CWC22: variants seen among roughly 807,000 people sequenced by gnomAD.
CWC22 encodes the protein pre-mRNA-splicing factor CWC22 homolog.
In CWC22, 53 loss-of-function variants were observed where a neutral mutation model predicts 117.2. That is an observed-to-expected ratio of 0.45 (90% CI 0.36 to 0.57). The LOEUF (loss-of-function observed/expected upper bound fraction) is 0.57, where lower values mean the gene tolerates loss of function less well. CWC22 is among the 20% of genes least tolerant of loss of function. The pLI, the probability that CWC22 is intolerant of heterozygous loss-of-function variation, is 0.00. For missense variants in CWC22, 980 were observed against 1,068.8 expected, an observed-to-expected ratio of 0.92 and a Z score of 1.16; for synonymous variants, 360 against 355.6, an observed-to-expected ratio of 1.01 and a Z score of -0.14.
intron 11 of CWC22, among the ~76,000 whole-genome samples, chr2:179,969,779 A>G (rs2105526729): frequency 6.6e-6 from 1 of 152,296 alleles, no homozygotes; most frequent in South Asian, 2.1e-4. Context: ...AGCCCATAAA[A>G]TTATTATGTA....
chr2:179,950,735 A>G lies in CWC22; in HGVS notation c.1920-3T>C, dbSNP rs1686425702. The G allele has an allele frequency of 1.2e-6, 2 of 1,611,282 alleles. No homozygotes were observed. The highest frequency in any genetic ancestry group is 1.3e-5 in the African/African-American group (1 of 74,822). ...TGAGATGCTCCCGCAGTTCATCCCT[A>G]ATTTAAAATATAATCTGTTAGATTC... is the stretch of plus-strand genomic sequence containing the variant. On this transcript the variant is annotated splice_region_variant and splice_polypyrimidine_tract_variant and intron_variant, in intron 18 of 19. Coordinates refer to ENST00000410053, the MANE Select transcript of CWC22 (RefSeq NM_020943.3).
chr2:179,981,024 G>A (rs1326304032), intron 5 of CWC22, among the ~76,000 whole-genome samples: 1 of 152,140 alleles, frequency 6.6e-6, no homozygotes, highest in African/African-American at 2.4e-5. Flanking sequence ...AAGTGTGATT[G>A]TTCATATATA....
intron 11 of CWC22, among the ~76,000 whole-genome samples, chr2:179,969,558 A>C (rs1327183686): frequency 6.6e-6 from 1 of 152,208 alleles, no homozygotes; most frequent in African/African-American, 2.4e-5. Flanking sequence ...CTTTATGTTA[A>C]AAGCAAACAA....
At chr2:179,971,158 A>G in intron 8 of CWC22, 82 bp from the exon 9 acceptor site, 4 of 995,228 alleles carry the variant, frequency 4.0e-6, no homozygotes, top group Non-Finnish European at 5.6e-6. Flanking sequence ...AAAAATTAGT[A>G]AATCTGTTTA....
At chr2:179,978,965 G>C (rs889483802) in intron 5 of CWC22, among the ~76,000 whole-genome samples, 2 of 152,084 alleles carry the variant, frequency 1.3e-5, no homozygotes, top group African/African-American at 4.8e-5. Flanking sequence ...TTTTACCCTA[G>C]ATTTTGGGGA....
rs140779227 is a variant in CWC22 at position 179,971,071 on chromosome 2, G to A, written c.810C>T (p.His270=). The part of the protein sequence containing the change: ...VAHLINQNVA[H]EVLCLEMLTL... ...TGAGCATCTCTAAGCATAATACTTC[G>A]TGTGCCTTAAATAAAATACATATAC... The change falls in exon 9 of 20, where the codon CAC becomes CAT. Residue 270 remains histidine (H), a synonymous_variant. Coordinates refer to ENST00000410053, the MANE Select transcript of CWC22 (RefSeq NM_020943.3). 1.5e-4 allele frequency: 233 copies of A among 1,559,860 alleles called. No homozygotes were observed. The African/African-American group carries it at 2.7e-3, about 18-fold the overall frequency.
At chr2:179,991,644 A>G (rs1315940254) in intron 2 of CWC22, among the ~76,000 whole-genome samples, 1 of 152,174 alleles carries the variant, frequency 6.6e-6, no homozygotes, top group African/African-American at 2.4e-5. Flanking sequence ...TCTCCCTTTG[A>G]GTAAAAGGCA....
At chr2:179,992,286 C>T (rs1337869571) in intron 2 of CWC22, among the ~76,000 whole-genome samples, 2 of 152,320 alleles carry the variant, frequency 1.3e-5, no homozygotes, top group African/African-American at 4.8e-5. Flanking sequence ...ACAGGCAGAA[C>T]AGTTTCGAAA....
chr2:179,973,796 C>A lies in CWC22; in HGVS notation c.588G>T (p.Leu196=). Residue 196 remains leucine, a synonymous_variant, in exon 7 of 20, where the codon CTG becomes CTT. Transcript: ENST00000410053. Reference sequence around the variant, plus strand: ...GTGCTTGCAAAACAGACCTGGACAGCAGTCCTCTGTTTAAAAAAGAATTTA... The same window carrying A: ...GTGCTTGCAAAACAGACCTGGACAGAAGTCCTCTGTTTAAAAAAGAATTTA... The part of the protein sequence containing the change: ...LQENIVRGRG[L]LSRSVLQAQS... 1 of 1,550,068 alleles carries A rather than the reference C, an allele frequency of 6.5e-7. No homozygotes were observed. The highest frequency in any genetic ancestry group is 8.7e-7 in the Non-Finnish European group (1 of 1,148,506).
At chr2:179,994,136 T>C (rs1687640750) in intron 1 of CWC22, among the ~76,000 whole-genome samples, 1 of 152,194 alleles carries the variant, frequency 6.6e-6, no homozygotes, top group Non-Finnish European at 1.5e-5. Flanking sequence ...GCTAAATTGA[T>C]ACTTATGTTC....
chr2:179,996,671 G>GA (rs1365721205), intron 1 of CWC22, among the ~76,000 whole-genome samples: 1 of 150,374 alleles, frequency 6.7e-6, no homozygotes. Flanking sequence ...GAGGATGAAG[G>GA]AAAAAAAAGG....
intron 1 of CWC22, among the ~76,000 whole-genome samples, chr2:179,995,515 A>C (rs1239279243): frequency 1.3e-5 from 2 of 152,176 alleles, no homozygotes; most frequent in East Asian, 3.8e-4. Flanking sequence ...CTTAAATAAT[A>C]AGGGTGTTTT....
chr2:179,964,367 T>G (rs1454998977), intron 13 of CWC22, among the ~76,000 whole-genome samples, 180 bp downstream of exon 13: 2 of 152,154 alleles, frequency 1.3e-5, no homozygotes, highest in Non-Finnish European at 2.9e-5. Context: ...ACAATTTGCC[T>G]ATAAAGCAAA....
Position 179,945,218 on chromosome 2 carries a change from C to T in CWC22, c.2638G>A (p.Glu880Lys). 1 of 1,613,708 alleles carries T rather than the reference C, an allele frequency of 6.2e-7. No individual in the cohort carries two copies. Among genetic ancestry groups the T allele is most frequent in the South Asian group, 1.1e-5 (1 of 91,072 alleles). The change falls in exon 20 of 20, where the codon GAA (glutamate) becomes AAA (lysine). Residue 880 changes from glutamate (E) to lysine (K), a missense_variant. Around this residue, in one of 3 missense-constraint regions of CWC22, gnomAD observed 306 missense variants for 296.8 expected, o/e 1.03. Transcript: ENST00000410053. ...TGTTCAGAGTATCTGCTAGATTTTT[C>T]CCATCGTCTCTCGGCACCATTTTGA... ...RYQNGAERRW[E>K]KSSRYSEQSR... is the part of the protein sequence containing the mutation.
chr2:179,974,327 G>A (rs1395700868), intron 6 of CWC22, among the ~76,000 whole-genome samples: 3 of 152,060 alleles, frequency 2.0e-5, no homozygotes, highest in Non-Finnish European at 2.9e-5. Flanking sequence ...ATAAAGAAAC[G>A]AATTAAAAGC....
At chr2:179,993,507 G>T in intron 1 of CWC22, 53 bp from the exon 2 acceptor site, 1 of 561,062 alleles carries the variant, frequency 1.8e-6, no homozygotes, top group East Asian at 2.9e-5. Flanking sequence ...TGTGAAAAAT[G>T]ATGATATATT....
At chr2:179,981,178 G>T (rs1230590837) in intron 5 of CWC22, among the ~76,000 whole-genome samples, 1 of 152,198 alleles carries the variant, frequency 6.6e-6, no homozygotes, top group Non-Finnish European at 1.5e-5. Flanking sequence ...TGAGCCAAAT[G>T]CAGCTGACCA....
At chr2:179,994,794 G>A (rs1223576988) in intron 1 of CWC22, among the ~76,000 whole-genome samples, 1 of 152,140 alleles carries the variant, frequency 6.6e-6, no homozygotes, top group Admixed American at 6.5e-5. Context: ...CAGTTGTTTA[G>A]AAAGCTCAGC....
chr2:179,966,056 T>A, intron 11 of CWC22, 74 bp from the exon 12 acceptor site: 3 of 1,195,498 alleles, frequency 2.5e-6, no homozygotes, highest in Non-Finnish European at 3.6e-6. Flanking sequence ...AGAAGATAAA[T>A]TCTCAGTTCG....
Sources: gnomAD v4.1 joint callset for allele counts (sites outside exome capture counted in the v4.1 genomes callset) on GRCh38, gnomAD v4.1.1 for gene constraint, gnomAD v4.1.1 regional missense constraint, MANE v1.5 for transcripts, NCBI Gene and HGNC (gene_info 2026-07-23, HGNC 2026-07-21) for gene names.